Variants in CDH13 observed in about 807,000 individuals in gnomAD.
The protein encoded by CDH13 is cadherin-13.
CDH13 carries 24 observed loss-of-function variants against 63.8 expected under a neutral mutation model. The ratio of observed to expected loss-of-function variants is 0.38; its 90% CI spans 0.27 to 0.53. The LOEUF (loss-of-function observed/expected upper bound fraction) is 0.53. Among genes scored for constraint, CDH13 ranks in the 20% least tolerant of loss-of-function variants. The pLI, the probability that CDH13 is intolerant of heterozygous loss-of-function variation, is 0.85. For missense variants in CDH13, 1,049 were observed against 903.1 expected, an observed-to-expected ratio of 1.16 and a Z score of -2.07; for synonymous variants, 503 against 355.3, an observed-to-expected ratio of 1.42 and a Z score of -4.67.
rs2042577933 is a variant in CDH13, at chr16:82,933,792, T to C, written c.157+75319T>C. ...CTACAGGATCCGGGCAAGTCTGAAATCCAACAAGGCAGTAATTAACTCTTA... is the reference window on the plus strand; with the variant it reads ...CTACAGGATCCGGGCAAGTCTGAAACCCAACAAGGCAGTAATTAACTCTTA... On this transcript the variant is annotated intron_variant, in intron 2 of 13. Coordinates refer to ENST00000567109, the MANE Select transcript of CDH13 (RefSeq NM_001257.5). Among the ~76,000 whole-genome samples, 4 of 152,282 alleles carry C rather than the reference T, an allele frequency of 2.6e-5. 1 individual carries two copies. The Middle Eastern group carries it at 0.01, about 388-fold the overall frequency.
chr16:82,965,203 C>A (rs574565122), intron 2 of CDH13, among the ~76,000 whole-genome samples: 41 of 152,318 alleles, frequency 2.7e-4, no homozygotes, highest in African/African-American at 8.7e-4. Flanking sequence ...CTCGTTTTCC[C>A]ACCAGAAAGT....
chr16:83,217,599 G>C, intron 5 of CDH13, 102 bp downstream of exon 5: 2 of 1,234,156 alleles, frequency 1.6e-6, no homozygotes, highest in Non-Finnish European at 2.3e-6. Flanking sequence ...CATCAAACCC[G>C]GGACTGCATG....
At chr16:83,736,440 C>T (rs1322126419) in intron 10 of CDH13, among the ~76,000 whole-genome samples, 1 of 152,096 alleles carries the variant, frequency 6.6e-6, no homozygotes, top group Non-Finnish European at 1.5e-5. Context: ...AAATTTGTGG[C>T]TTTATACCCT....
chr16:83,692,849 C>T (rs953974222), intron 10 of CDH13, among the ~76,000 whole-genome samples: 1 of 152,048 alleles, frequency 6.6e-6, no homozygotes, highest in Non-Finnish European at 1.5e-5. Flanking sequence ...TTTGGGAGGC[C>T]GAGGCAGGTG....
chr16:83,723,493 C>G (rs140291111), intron 10 of CDH13, among the ~76,000 whole-genome samples: 88 of 152,282 alleles, frequency 5.8e-4, no homozygotes, highest in African/African-American at 2.1e-3. Flanking sequence ...AATGTTCTCC[C>G]TTGCCCAGGC....
At chr16:82,772,828 G>A (rs1337694624) in intron 1 of CDH13, among the ~76,000 whole-genome samples, 1 of 152,170 alleles carries the variant, frequency 6.6e-6, no homozygotes, top group Non-Finnish European at 1.5e-5. Flanking sequence ...GACTCCAAAT[G>A]CAAAGATTGA....
chr16:82,696,870 G>C (rs2030362877), intron 1 of CDH13, among the ~76,000 whole-genome samples: 1 of 152,170 alleles, frequency 6.6e-6, no homozygotes, highest in African/African-American at 2.4e-5. Flanking sequence ...TCATCTGCAG[G>C]CTTGACTGGG....
At chr16:83,185,713 G>C (rs2038496397) in intron 4 of CDH13, among the ~76,000 whole-genome samples, 1 of 152,170 alleles carries the variant, frequency 6.6e-6, no homozygotes, top group Non-Finnish European at 1.5e-5. Context: ...ATCATAACGA[G>C]AACAGGAGTG....
chr16:82,717,401 A>G (rs2032447603), intron 1 of CDH13, among the ~76,000 whole-genome samples: 1 of 141,710 alleles, frequency 7.1e-6, no homozygotes, highest in Admixed American at 7.5e-5. Context: ...ACACCACTGC[A>G]CTCCAGCCTG....
chr16:83,500,720 G>T (rs1387980087), intron 7 of CDH13, among the ~76,000 whole-genome samples: 3 of 149,600 alleles, frequency 2.0e-5, no homozygotes, highest in Admixed American at 1.3e-4. Context: ...TTACAGGAAA[G>T]GCACCCACCA....
At chr16:82,886,337 TG>T (rs1567630617) in intron 2 of CDH13, among the ~76,000 whole-genome samples, 3 of 152,218 alleles carry the variant, frequency 2.0e-5, no homozygotes, top group Non-Finnish European at 4.4e-5. Context: ...CAGTGCCTGG[TG>T]TTTGCATTTC....
chr16:83,187,415 C>T (rs542882466), intron 4 of CDH13, among the ~76,000 whole-genome samples: 5 of 152,022 alleles, frequency 3.3e-5, no homozygotes, highest in Non-Finnish European at 7.4e-5. Flanking sequence ...TCATTTTTCC[C>T]GTCATCAGTG....
chr16:83,108,876 C>A (rs77489205), intron 3 of CDH13, among the ~76,000 whole-genome samples: 4,239 of 152,268 alleles, frequency 0.028, 73 homozygotes, highest in South Asian at 0.042. Context: ...CTCCCTTGCC[C>A]TTCCGAGTCA....
intron 1 of CDH13, among the ~76,000 whole-genome samples, chr16:82,635,484 G>A (rs764543203): frequency 1.1e-4 from 17 of 152,334 alleles, no homozygotes; most frequent in Admixed American, 2.0e-4. Context: ...AGCCAATGGG[G>A]CCATGTCAGC....
Position 83,197,978 on chromosome 16 carries a change from C to G in CDH13, c.484-19367C>G, listed in dbSNP as rs186516494. 1.1e-3 allele frequency among the ~76,000 whole-genome samples: 169 copies of G among 152,204 alleles called. 2 individuals are homozygous for G. Among genetic ancestry groups the G allele is most frequent in the African/African-American group, 3.9e-3 (163 of 41,532 alleles). ...GTATTTTTTGCAAATGCATGTGCAT[C>G]TATAATTATTGAAAAAGTAATAAAA... is the stretch of plus-strand genomic sequence containing the variant. On this transcript the variant is annotated intron_variant, in intron 4 of 13. Transcript: ENST00000567109.
chr16:83,222,879 T>A (rs1046818411), intron 5 of CDH13, among the ~76,000 whole-genome samples: 1 of 152,176 alleles, frequency 6.6e-6, no homozygotes, highest in Non-Finnish European at 1.5e-5. Flanking sequence ...TTTTCAACAG[T>A]GGCACTATTG....
chr16:83,096,410 C>G (rs962196027), intron 3 of CDH13, among the ~76,000 whole-genome samples: 8 of 152,302 alleles, frequency 5.3e-5, no homozygotes, highest in Non-Finnish European at 1.0e-4. Context: ...GGAAAGTTAT[C>G]CAATAGCTAC....
rs71376303 is a variant in CDH13, at chr16:83,191,530, CATATATATATAT to C, written c.484-25799_484-25788del. ...ACACACACACACACACACACACACA[CATATATATATAT>C]ATATATATATATATACACACACACA... is the stretch of plus-strand genomic sequence containing the variant. On this transcript the variant is annotated intron_variant, in intron 4 of 13. Transcript: ENST00000567109. Among the ~76,000 whole-genome samples, 9 of 74,378 alleles carry C rather than the reference CATATATATATAT, an allele frequency of 1.2e-4. No individual in the cohort carries two copies. The South Asian group carries it at 3.8e-3, about 31-fold the overall frequency. 48.8% of individuals were successfully genotyped at this position (74,378 alleles called of 152,430 possible).
intron 1 of CDH13, among the ~76,000 whole-genome samples, chr16:82,769,269 G>A (rs2035172112): frequency 2.0e-5 from 3 of 152,104 alleles, no homozygotes; most frequent in African/African-American, 7.2e-5. Flanking sequence ...AAAGTTGCAG[G>A]TATACTTAAA....
Sources: allele counts gnomAD v4.1 joint callset (sites outside exome capture counted in the v4.1 genomes callset), GRCh38; gene constraint gnomAD v4.1.1; transcripts MANE v1.5; gene names NCBI Gene and HGNC (gene_info 2026-07-23, HGNC 2026-07-21).